APLF: variants seen among roughly 807,000 people sequenced by gnomAD.
APLF encodes aprataxin and PNK-like factor.
Under a neutral mutation model 55.6 loss-of-function variants are expected in APLF, and 61 were observed. The ratio of observed to expected loss-of-function variants is 1.10; its 90% CI spans 0.89 to 1.36. The LOEUF (loss-of-function observed/expected upper bound fraction) is 1.36. APLF is among the 40% of genes most tolerant of loss of function. The probability of loss-of-function intolerance (pLI) is 0.00; values close to 1 mark genes in which losing one functional copy is unlikely to be tolerated. For synonymous variants in APLF, 207 were observed against 214.8 expected, an observed-to-expected ratio of 0.96 and a Z score of 0.32; for missense variants, 611 against 602.5, an observed-to-expected ratio of 1.01 and a Z score of -0.15.
chr2:68,491,878 A>G (rs1676370646), intron 2 of APLF, among the ~76,000 whole-genome samples: 1 of 152,156 alleles, frequency 6.6e-6, no homozygotes, highest in African/African-American at 2.4e-5. Flanking sequence ...ATTGTGGACA[A>G]CTCAATAGAT....
intron 2 of APLF, among the ~76,000 whole-genome samples, chr2:68,502,374 G>A (rs923207855): frequency 6.6e-6 from 1 of 152,212 alleles, no homozygotes; most frequent in East Asian, 1.9e-4. Context: ...GGGGGACTCA[G>A]TTTCTCCATA....
At chr2:68,479,972 T>C (rs1282823444) in intron 1 of APLF, among the ~76,000 whole-genome samples, 1 of 152,190 alleles carries the variant, frequency 6.6e-6, no homozygotes, top group Non-Finnish European at 1.5e-5. Flanking sequence ...TCCTTACGAT[T>C]TTCTGAATAA....
intron 8 of APLF, among the ~76,000 whole-genome samples, chr2:68,561,562 G>A (rs1314903785): frequency 6.6e-6 from 1 of 152,062 alleles, no homozygotes; most frequent in African/African-American, 2.4e-5. Context: ...GAATCTGATT[G>A]CAATAGAGTC....
chr2:68,517,059 A>G (rs1375951094), intron 5 of APLF, among the ~76,000 whole-genome samples: 2 of 124,588 alleles, frequency 1.6e-5, no homozygotes, highest in African/African-American at 6.4e-5. Flanking sequence ...TGTTATTAAT[A>G]TATAACATGT....
Position 68,526,050 on chromosome 2 carries a change from A to G in APLF, c.623-11A>G. 1 of 1,580,218 alleles carries G rather than the reference A, an allele frequency of 6.3e-7. No homozygotes were observed. The highest frequency in any genetic ancestry group is 2.3e-5 in the East Asian group (1 of 44,378). ...GAAGATAATTTTCTTCTTTTTCTTT[A>G]TGTGTTTAAGGTAATGTAATCCAGG... is the stretch of plus-strand genomic sequence containing the variant. On this transcript the variant is annotated splice_polypyrimidine_tract_variant and intron_variant, in intron 5 of 9. Transcript: ENST00000303795.
At chr2:68,541,911 C>A (rs1670563080) in intron 7 of APLF, among the ~76,000 whole-genome samples, 2 of 152,028 alleles carry the variant, frequency 1.3e-5, no homozygotes, top group South Asian at 4.2e-4. Context: ...CACAGTAATC[C>A]AAACAGTGTG....
intron 9 of APLF, among the ~76,000 whole-genome samples, chr2:68,567,753 A>G (rs1166579538): frequency 1.3e-5 from 2 of 152,110 alleles, no homozygotes; most frequent in African/African-American, 4.8e-5. Flanking sequence ...AATAATGTCA[A>G]TAGTGTCCCC....
chr2:68,542,710 G>A (rs1049251418), intron 7 of APLF, among the ~76,000 whole-genome samples: 2 of 152,170 alleles, frequency 1.3e-5, no homozygotes, highest in Admixed American at 6.5e-5. Flanking sequence ...TTGTTGATGG[G>A]AGTGTAAATT....
chr2:68,518,228 A>G lies in APLF; in HGVS notation c.622+4548A>G, dbSNP rs1187068306. Among the ~76,000 whole-genome samples the G allele has an allele frequency of 1.5e-4, 18 of 120,248 alleles. No individual in the cohort carries two copies. The East Asian group carries it at 3.7e-3, about 25-fold the overall frequency. The allele number at this position is 120,248 out of a possible 152,430, so 78.9% of individuals were successfully genotyped here. On this transcript the variant is annotated intron_variant, in intron 5 of 9. Coordinates refer to ENST00000303795, the MANE Select transcript of APLF (RefSeq NM_173545.3). ...TAATAATATATCGTTAATATATAAT[A>G]GATCATTAATATATAATGTTAATAT... is the stretch of plus-strand genomic sequence containing the variant.
At chr2:68,535,789 C>A (rs1050575283) in intron 6 of APLF, among the ~76,000 whole-genome samples, 1 of 152,010 alleles carries the variant, frequency 6.6e-6, no homozygotes, top group Non-Finnish European at 1.5e-5. Flanking sequence ...CGATTGCCAT[C>A]CCAACCCCCT....
chr2:68,557,225 T>A (rs74781895), intron 8 of APLF, among the ~76,000 whole-genome samples: 2,338 of 152,290 alleles, frequency 0.015, 39 homozygotes, highest in South Asian at 0.04. Flanking sequence ...ATCTCTAGAT[T>A]CCTTAAAATA....
chr2:68,521,740 C>T (rs1232319070), intron 5 of APLF, among the ~76,000 whole-genome samples: 3 of 151,900 alleles, frequency 2.0e-5, no homozygotes, highest in Admixed American at 2.0e-4. Context: ...AAGCTACCAA[C>T]GTGAAGTTGT....
At chr2:68,498,369 G>A (rs1261660842) in intron 2 of APLF, among the ~76,000 whole-genome samples, 1 of 152,174 alleles carries the variant, frequency 6.6e-6, no homozygotes, top group African/African-American at 2.4e-5. Flanking sequence ...ATATTTAAGT[G>A]ATTAAATGGT....
At chr2:68,510,202 G>A (rs1677003837) in intron 3 of APLF, among the ~76,000 whole-genome samples, 1 of 151,460 alleles carries the variant, frequency 6.6e-6, no homozygotes, top group African/African-American at 2.4e-5. Flanking sequence ...ATGTACCCTA[G>A]AACTTAAAGT....
At position 68,578,605 on chromosome 2, in the gene APLF, T is replaced by C; in HGVS notation, c.*583T>C. The C allele has an allele frequency of 1.0e-6, 1 of 985,390 alleles. No individual in the cohort carries two copies. The highest frequency in any genetic ancestry group is 1.2e-6 in the Non-Finnish European group (1 of 829,914). 61.0% of individuals were successfully genotyped at this position (985,390 alleles called of 1,614,324 possible). A position where few individuals can be genotyped will look rare whatever the true frequency, so the allele number is the denominator to read the frequency against. ...GTACTGAAAATAGATTCAACTAGGCTGTAGAAGAGAAATGTTCACCATGTA... is the reference window on the plus strand; with the variant it reads ...GTACTGAAAATAGATTCAACTAGGCCGTAGAAGAGAAATGTTCACCATGTA... On this transcript the variant is annotated 3_prime_UTR_variant, in exon 10 of 10. Transcript: ENST00000303795.
At chr2:68,483,083 T>TAG (rs1676015562) in intron 1 of APLF, among the ~76,000 whole-genome samples, 1 of 152,022 alleles carries the variant, frequency 6.6e-6, no homozygotes, top group African/African-American at 2.4e-5. Context: ...GCCTCAAAGC[T>TAG]AGAGAGACAC....
rs777423168 is a variant in APLF, at chr2:68,578,108, C to CA, written c.*87dup. ...ATGAACTAAGGAGGTACTTAAGTGA[C>CA]AGTTATTTTCCTTCTTTTGATAGTT... On this transcript the variant is annotated 3_prime_UTR_variant, in exon 10 of 10. Coordinates refer to ENST00000303795, the MANE Select transcript of APLF (RefSeq NM_173545.3). 3.2e-5 allele frequency: 47 copies of CA among 1,478,560 alleles called. No homozygotes were observed. The highest frequency in any genetic ancestry group is 3.8e-5 in the Non-Finnish European group (43 of 1,119,358). The allele number at this position is 1,478,560 out of a possible 1,614,324, so 91.6% of individuals were successfully genotyped here.
rs139800690 is a variant in APLF at position 68,564,674 on chromosome 2, A to G, written c.1287-2667A>G. On this transcript the variant is annotated intron_variant, in intron 8 of 9. Transcript: ENST00000303795. ...TTATCTCCCTTTTACATGTGGGAAA[A>G]CTGAAGCTCAGACAGCGTGCAGGGA... Among the ~76,000 whole-genome samples, 714 of 152,138 alleles carry G rather than the reference A, an allele frequency of 4.7e-3. 9 individuals are homozygous for G. Among genetic ancestry groups the G allele is most frequent in the African/African-American group, 0.016 (667 of 41,512 alleles).
In APLF at chr2:68,494,337, G is replaced by A. The variant is rs147217372; in HGVS notation, c.168+4076G>A. Among the ~76,000 whole-genome samples the A allele has an allele frequency of 6.5e-3, 965 of 148,488 alleles. 6 individuals carry two copies. The highest frequency in any genetic ancestry group is 0.023 in the African/African-American group (917 of 40,210). ...AAAGATTTAATTGGCTCATGGGCAAGCTTTACAGGAAGCATGGTGCCATCA... is the reference window on the plus strand; with the variant it reads ...AAAGATTTAATTGGCTCATGGGCAAACTTTACAGGAAGCATGGTGCCATCA... On this transcript the variant is annotated intron_variant, in intron 2 of 9. Coordinates refer to ENST00000303795, the MANE Select transcript of APLF (RefSeq NM_173545.3).
Sources: allele counts gnomAD v4.1 joint callset (sites outside exome capture counted in the v4.1 genomes callset), GRCh38; gene constraint gnomAD v4.1.1; transcripts MANE v1.5; gene names NCBI Gene and HGNC (gene_info 2026-07-23, HGNC 2026-07-21).